TAF15: variants seen among roughly 807,000 people sequenced by gnomAD.
TAF15 encodes TATA-binding protein-associated factor 2N.
In TAF15, 37 loss-of-function variants were observed where a neutral mutation model predicts 102.5. The observed-to-expected ratio is 0.36, with a 90% CI of 0.28 to 0.47. TAF15 has a LOEUF of 0.47. TAF15 is among the 20% of genes least tolerant of loss of function. The pLI is 0.99. For synonymous variants in TAF15, 273 were observed against 259.2 expected (o/e 1.05, Z -0.51); for missense variants, 652 against 760.7 (o/e 0.86, Z 1.68).
chr17:35,822,513 G>A, intron 5 of TAF15, 127 bp from the exon 6 acceptor site: 1 of 817,234 alleles, frequency 1.2e-6, no homozygotes, highest in Non-Finnish European at 2.0e-6. Flanking sequence ...TAATTACCAT[G>A]AGAAGGTAGT....
At chr17:35,812,789 A>G (rs1383797097) in intron 1 of TAF15, among the ~76,000 whole-genome samples, 19 of 152,074 alleles carry the variant, frequency 1.2e-4, no homozygotes. Context: ...GAATATTTTT[A>G]TGTTTAAAAT....
At chr17:35,833,080 C>T (rs2087426554) in intron 7 of TAF15, among the ~76,000 whole-genome samples, 1 of 151,912 alleles carries the variant, frequency 6.6e-6, no homozygotes, top group Non-Finnish European at 1.5e-5. Context: ...TCACTTGAAC[C>T]TGGGAGGTGG....
intron 15 of TAF15, among the ~76,000 whole-genome samples, chr17:35,845,400 G>A (rs897663821): frequency 2.6e-5 from 4 of 152,088 alleles, no homozygotes; most frequent in African/African-American, 9.7e-5. Context: ...AACTATAGGT[G>A]TGTGCCACCA....
intron 11 of TAF15, among the ~76,000 whole-genome samples, chr17:35,840,882 G>A (rs1350244773): frequency 6.6e-6 from 1 of 151,824 alleles, no homozygotes; most frequent in Admixed American, 6.6e-5. Flanking sequence ...AAATGAAATT[G>A]TAGTACCCTG....
At chr17:35,845,168 A>G in intron 15 of TAF15, 130 bp downstream of exon 15, 1 of 1,188,320 alleles carries the variant, frequency 8.4e-7, no homozygotes, top group Non-Finnish European at 1.2e-6. Context: ...GGAGAAGATG[A>G]TTTAGTTTCC....
rs917883797 is a variant in TAF15, at chr17:35,809,864, G to GA, written c.7+288_7+289insA. ...CCGGGGGAGGGTGTGTGTGAGTCGG[G>GA]GGGCGGAGGCCGTCTACGCCATCGT... On this transcript the variant is annotated intron_variant, in intron 1 of 15. Transcript: ENST00000605844. The GA allele has an allele frequency of 1.9e-5, 11 of 582,648 alleles. No individual in the cohort carries two copies. The Admixed American group carries it at 2.1e-4, about 11-fold the overall frequency. 36.1% of individuals were successfully genotyped at this position (582,648 alleles called of 1,614,324 possible).
In TAF15 at chr17:35,809,556, C is replaced by T. The variant is rs368571826; in HGVS notation, c.-14C>T. On this transcript the variant is annotated 5_prime_UTR_variant, in exon 1 of 16. Transcript: ENST00000605844. Reference sequence around the variant, plus strand: ...TCGGCGGGCTGTGGGGCCTCCGCGCCGCGGCCGTTAGTCATGTCGGGTAGG... The same window carrying T: ...TCGGCGGGCTGTGGGGCCTCCGCGCTGCGGCCGTTAGTCATGTCGGGTAGG... 40 of 1,613,160 alleles carry T rather than the reference C, an allele frequency of 2.5e-5. 1 individual carries two copies. The highest frequency in any genetic ancestry group is 5.5e-5 in the South Asian group (5 of 91,072).
chr17:35,827,721 G>A (rs547588382), intron 7 of TAF15, among the ~76,000 whole-genome samples: 14 of 151,756 alleles, frequency 9.2e-5, no homozygotes, highest in Non-Finnish European at 1.3e-4. Flanking sequence ...AAAAAAAGAA[G>A]GGGCATAATT....
intron 1 of TAF15, among the ~76,000 whole-genome samples, chr17:35,815,545 T>A (rs1414705999): frequency 3.3e-5 from 5 of 152,232 alleles, no homozygotes; most frequent in Non-Finnish European, 7.3e-5. Context: ...GAGATAGGGT[T>A]ACAGGACCTA....
intron 1 of TAF15, among the ~76,000 whole-genome samples, chr17:35,813,692 A>G (rs2087155950): frequency 6.9e-6 from 1 of 144,464 alleles, no homozygotes; most frequent in Non-Finnish European, 1.5e-5. Flanking sequence ...AACTCCTGTC[A>G]TACATCTAAT....
At chr17:35,824,859 A>G (rs1165566443) in intron 7 of TAF15, among the ~76,000 whole-genome samples, 1 of 152,036 alleles carries the variant, frequency 6.6e-6, no homozygotes, top group Non-Finnish European at 1.5e-5. Context: ...CTTACAGCAT[A>G]TGTTATGAAG....
chr17:35,817,987 T>C (rs564409109), intron 2 of TAF15, among the ~76,000 whole-genome samples: 68 of 152,110 alleles, frequency 4.5e-4, no homozygotes, highest in African/African-American at 1.6e-3. Context: ...CAGTGGCAAA[T>C]CATAGTGTAC....
At chr17:35,814,439 A>C (rs1210728797) in intron 1 of TAF15, among the ~76,000 whole-genome samples, 1 of 151,326 alleles carries the variant, frequency 6.6e-6, no homozygotes, top group Non-Finnish European at 1.5e-5. Flanking sequence ...AAGTGCTGGG[A>C]TTACAGGCGT....
Position 35,834,644 on chromosome 17 carries a change from GT to G in TAF15, c.673+56del, listed in dbSNP as rs76903662. The G allele has an allele frequency of 0.03, 42,043 of 1,388,770 alleles. 749 individuals carry two copies. The highest frequency in any genetic ancestry group is 0.16 in the East Asian group (5,806 of 35,728). The allele number at this position is 1,388,770 out of a possible 1,614,324, so 86.0% of individuals were successfully genotyped here. On this transcript the variant is annotated intron_variant, in intron 9 of 15. Coordinates refer to ENST00000605844, the MANE Select transcript of TAF15 (RefSeq NM_139215.3). ...TCACTTTGCCATTAAGAAAATGTTA[GT>G]TTTTTTTTTGATGGGAAAAGTGTGT... is the stretch of plus-strand genomic sequence containing the variant.
At chr17:35,828,686 G>C (rs1473537739) in intron 7 of TAF15, among the ~76,000 whole-genome samples, 1 of 151,294 alleles carries the variant, frequency 6.6e-6, no homozygotes, top group Non-Finnish European at 1.5e-5. Context: ...AGCTATGATT[G>C]TGCTTATGAA....
intron 11 of TAF15, among the ~76,000 whole-genome samples, chr17:35,839,703 A>G (rs889857915): frequency 6.6e-5 from 10 of 152,114 alleles, no homozygotes; most frequent in Admixed American, 5.2e-4. Flanking sequence ...TTTAACAGAA[A>G]GTAGAAGAAA....
intron 7 of TAF15, among the ~76,000 whole-genome samples, chr17:35,831,985 G>C (rs981925798): frequency 6.6e-6 from 1 of 152,174 alleles, no homozygotes; most frequent in Non-Finnish European, 1.5e-5. Flanking sequence ...GGCTGAGGCA[G>C]GAGAATGGCA....
chr17:35,839,873 A>G (rs1186842200), intron 11 of TAF15, among the ~76,000 whole-genome samples: 1 of 152,088 alleles, frequency 6.6e-6, no homozygotes, highest in African/African-American at 2.4e-5. Context: ...TCATTTCCCC[A>G]TGTTACAAAT....
At chr17:35,814,183 T>C (rs544320768) in intron 1 of TAF15, among the ~76,000 whole-genome samples, 99 of 152,098 alleles carry the variant, frequency 6.5e-4, no homozygotes, top group African/African-American at 2.3e-3. Flanking sequence ...TTTTTTTTTT[T>C]GAGATGGAGT....
Sources: gnomAD v4.1 joint callset for allele counts (sites outside exome capture counted in the v4.1 genomes callset) on GRCh38, gnomAD v4.1.1 for gene constraint, MANE v1.5 for transcripts, NCBI Gene and HGNC (gene_info 2026-07-23, HGNC 2026-07-21) for gene names.